Variants in CACNB2 observed in about 807,000 individuals in gnomAD.
CACNB2 encodes voltage-dependent L-type calcium channel subunit beta-2.
CACNB2 carries 42 observed loss-of-function variants against 73.3 expected under a neutral mutation model. That is an observed-to-expected ratio of 0.57 (90% CI 0.45 to 0.74). The LOEUF is 0.74. CACNB2 is among the 30% of genes least tolerant of loss of function. CACNB2 has a pLI of 0.00. For missense variants in CACNB2, 940 were observed against 853.0 expected (o/e 1.10, Z -1.27); for synonymous variants, 348 against 310.3 (o/e 1.12, Z -1.28).
chr10:18,451,676 C>G (rs2047029547), intron 3 of CACNB2, among the ~76,000 whole-genome samples: 1 of 152,188 alleles, frequency 6.6e-6, no homozygotes, highest in African/African-American at 2.4e-5. Flanking sequence ...ACTTTTTGCT[C>G]CGCAGTTCCC....
At chr10:18,469,166 G>C (rs771616012) in intron 3 of CACNB2, among the ~76,000 whole-genome samples, 17 of 152,114 alleles carry the variant, frequency 1.1e-4, no homozygotes, top group Non-Finnish European at 2.1e-4. Flanking sequence ...CTTGGGCCCA[G>C]GTGGTCCATC....
At chr10:18,141,244 G>C in intron 1 of CACNB2, 1 of 1,385,956 alleles carries the variant, frequency 7.2e-7, no homozygotes, top group Non-Finnish European at 1.0e-6. Context: ...GAGGGGGCCC[G>C]CTTCCCGCAG....
chr10:18,464,418 T>TTAAAAAAAAAAA lies in CACNB2; in HGVS notation c.334-33937_334-33936insTAAAAAAAAAAA, dbSNP rs1360690647. ...CAGAGTGAGACCCTGTCTCAAAAAT[T>TTAAAAAAAAAAA]AAAAAAAAAAAAAAAAAAAAAAGAA... is the stretch of plus-strand genomic sequence containing the variant. On this transcript the variant is annotated intron_variant, in intron 3 of 13. Coordinates refer to ENST00000324631, the MANE Select transcript of CACNB2 (RefSeq NM_201596.3). Among the ~76,000 whole-genome samples, 60 of 85,274 alleles carry TTAAAAAAAAAAA rather than the reference T, an allele frequency of 7.0e-4. 3 individuals carry two copies. The highest frequency in any genetic ancestry group is 2.1e-3 in the South Asian group (4 of 1,888). 55.9% of individuals were successfully genotyped at this position (85,274 alleles called of 152,430 possible). A position where few individuals can be genotyped will look rare whatever the true frequency, so the allele number is the denominator to read the frequency against.
At chr10:18,514,618 C>A in intron 7 of CACNB2, 1 of 1,472,708 alleles carries the variant, frequency 6.8e-7, no homozygotes. Flanking sequence ...ACAATCATTT[C>A]TGTCCCAAGC....
chr10:18,535,402 C>T (rs1015422519), intron 11 of CACNB2, among the ~76,000 whole-genome samples: 3 of 152,172 alleles, frequency 2.0e-5, no homozygotes, highest in Admixed American at 2.0e-4. Context: ...TAGAAGCAAA[C>T]AGGAGACTGC....
intron 3 of CACNB2, among the ~76,000 whole-genome samples, chr10:18,465,820 T>C (rs1301216387): frequency 6.6e-6 from 1 of 152,128 alleles, no homozygotes; most frequent in African/African-American, 2.4e-5. Context: ...TAGCTGGGAT[T>C]ACAGCATCCA....
intron 12 of CACNB2, among the ~76,000 whole-genome samples, chr10:18,536,450 C>T (rs756833555): frequency 1.4e-4 from 21 of 151,054 alleles, no homozygotes; most frequent in Admixed American, 1.1e-3. Context: ...CCTGTAGAGA[C>T]GGGGTCTTGC....
At chr10:18,204,772 A>G (rs953152792) in intron 2 of CACNB2, among the ~76,000 whole-genome samples, 5 of 152,210 alleles carry the variant, frequency 3.3e-5, no homozygotes, top group Non-Finnish European at 1.5e-5. Flanking sequence ...ACAGCCTAGA[A>G]TACAGTAAAC....
chr10:18,241,108 C>T (rs567835450), intron 2 of CACNB2, among the ~76,000 whole-genome samples: 9 of 152,230 alleles, frequency 5.9e-5, no homozygotes, highest in Non-Finnish European at 1.2e-4. Context: ...TCTGAGTTGT[C>T]CTGCCTTTCC....
intron 2 of CACNB2, among the ~76,000 whole-genome samples, chr10:18,278,237 TG>T (rs1265944228): frequency 6.6e-6 from 1 of 152,150 alleles, no homozygotes; most frequent in African/African-American, 2.4e-5. Context: ...TCCAGCATTT[TG>T]GGAGGCCAAG....
At chr10:18,407,827 T>C (rs562928660) in intron 3 of CACNB2, among the ~76,000 whole-genome samples, 1 of 152,324 alleles carries the variant, frequency 6.6e-6, no homozygotes, top group East Asian at 1.9e-4. Flanking sequence ...TTATAGCTTC[T>C]TGTTTTTATT....
intron 12 of CACNB2, among the ~76,000 whole-genome samples, chr10:18,537,972 T>C (rs966218941): frequency 2.0e-5 from 3 of 152,200 alleles, no homozygotes; most frequent in Non-Finnish European, 4.4e-5. Flanking sequence ...CCATTATTTA[T>C]TAGTTAAGCA....
chr10:18,486,769 T>C (rs2049080913), intron 3 of CACNB2, among the ~76,000 whole-genome samples: 1 of 151,892 alleles, frequency 6.6e-6, no homozygotes, highest in Non-Finnish European at 1.5e-5. Context: ...GGTGGGAAAT[T>C]TGGGGAGCTT....
intron 2 of CACNB2, among the ~76,000 whole-genome samples, chr10:18,207,914 A>G (rs1404322147): frequency 6.6e-6 from 1 of 152,230 alleles, no homozygotes; most frequent in Non-Finnish European, 1.5e-5. Context: ...GTACCAGCAA[A>G]AAGGAGAGTG....
chr10:18,150,737 G>A (rs2031443831), intron 1 of CACNB2, 146 bp from the exon 2 acceptor site: 1 of 601,288 alleles, frequency 1.7e-6, no homozygotes, highest in Non-Finnish European at 2.9e-6. Context: ...AGTCCCACCA[G>A]TATTAACTTT....
intron 2 of CACNB2, among the ~76,000 whole-genome samples, chr10:18,188,252 CTTCTTTCCTTCT>C (rs1446709759): frequency 2.6e-5 from 4 of 151,498 alleles, no homozygotes; most frequent in Admixed American, 1.3e-4. Context: ...GCCTACCTGC[CTTCTTTCCTTCT>C]TGCCTCCTTT....
chr10:18,500,352 A>C (rs2050126196), intron 4 of CACNB2, among the ~76,000 whole-genome samples: 1 of 152,244 alleles, frequency 6.6e-6, no homozygotes. Context: ...ATATTTATAA[A>C]ACTGTTTGCA....
At chr10:18,431,034 G>A (rs1432737081) in intron 3 of CACNB2, among the ~76,000 whole-genome samples, 1 of 152,206 alleles carries the variant, frequency 6.6e-6, no homozygotes, top group Non-Finnish European at 1.5e-5. Context: ...TTGGAGTGCA[G>A]TGGCATGATC....
intron 2 of CACNB2, among the ~76,000 whole-genome samples, chr10:18,199,394 T>C (rs573122697): frequency 1.3e-5 from 2 of 152,276 alleles, no homozygotes; most frequent in East Asian, 3.9e-4. Flanking sequence ...ATTGGGCTGA[T>C]ATTTTGAAGG....
Sources: allele counts gnomAD v4.1 joint callset (sites outside exome capture counted in the v4.1 genomes callset), GRCh38; gene constraint gnomAD v4.1.1; transcripts MANE v1.5; gene names NCBI Gene and HGNC (gene_info 2026-07-23, HGNC 2026-07-21).